The following KCNU1 variants were observed in gnomAD, a reference collection of about 807,000 sequenced individuals.
The protein encoded by KCNU1 is potassium channel subfamily U member 1.
In KCNU1, 93 loss-of-function variants were observed where a neutral mutation model predicts 126.8. That is an observed-to-expected ratio of 0.73 (90% confidence interval 0.62 to 0.87). KCNU1 has a LOEUF of 0.87. Ranked by LOEUF, KCNU1 falls within the 40% of genes least tolerant of loss-of-function variation. KCNU1 has a pLI of 0.00. For missense variants in KCNU1, 1,330 were observed against 1,367.1 expected (o/e 0.97, Z 0.43); for synonymous variants, 523 against 494.2 (o/e 1.06, Z -0.77).
At chr8:36,786,265 T>C (rs1802707807) in intron 1 of KCNU1, among the ~76,000 whole-genome samples, 1 of 152,206 alleles carries the variant, frequency 6.6e-6, no homozygotes, top group Non-Finnish European at 1.5e-5. Flanking sequence ...CAATTTGTTT[T>C]TCCACAGAAG....
intron 18 of KCNU1, among the ~76,000 whole-genome samples, chr8:36,848,239 A>G (rs969104477): frequency 6.6e-6 from 1 of 152,186 alleles, no homozygotes; most frequent in African/African-American, 2.4e-5. Context: ...CTCCCATTCT[A>G]CAGATGTCTC....
At chr8:36,803,881 T>C in intron 2 of KCNU1, 146 bp from the exon 3 acceptor site, 2 of 676,088 alleles carry the variant, frequency 3.0e-6, no homozygotes, top group Non-Finnish European at 5.3e-6. Context: ...AACAGATGAA[T>C]GAATGAATGA....
At chr8:36,913,317 A>G (rs1226979841) in intron 22 of KCNU1, among the ~76,000 whole-genome samples, 1 of 152,136 alleles carries the variant, frequency 6.6e-6, no homozygotes, top group Non-Finnish European at 1.5e-5. Context: ...AAGAAGGAAA[A>G]AAAATTGGAA....
rs139395812 is a variant in KCNU1 at position 36,891,752 on chromosome 8, C to CT, written c.2010-13948dup. Among the ~76,000 whole-genome samples, 747 of 151,726 alleles carry CT rather than the reference C, an allele frequency of 4.9e-3. 4 individuals carry two copies. Among genetic ancestry groups the CT allele is most frequent in the Non-Finnish European group, 7.9e-3 (539 of 67,850 alleles). On this transcript the variant is annotated intron_variant, in intron 19 of 26. Coordinates refer to ENST00000399881, the MANE Select transcript of KCNU1 (RefSeq NM_001031836.3). ...GATATAGAATTCTTAACTGATAAGC[C>CT]TTTTTTTTGAGAACTTTATATATGT...
chr8:36,836,540 G>A (rs1032328424), intron 13 of KCNU1, among the ~76,000 whole-genome samples, 175 bp downstream of exon 13: 3 of 152,154 alleles, frequency 2.0e-5, no homozygotes, highest in Admixed American at 6.5e-5. Context: ...AGAATTAGAA[G>A]TTTAAGTCAT....
chr8:36,894,890 C>G (rs926425738), intron 19 of KCNU1, among the ~76,000 whole-genome samples: 7 of 151,976 alleles, frequency 4.6e-5, no homozygotes, highest in African/African-American at 1.7e-4. Flanking sequence ...TTGTGTTATC[C>G]ATCAGAAAGT....
At position 36,936,111 on chromosome 8, in the gene KCNU1, G is replaced by A; in HGVS notation, c.*191G>A. 1 of 466,740 alleles carries A rather than the reference G, an allele frequency of 2.1e-6. No homozygotes were observed. The highest frequency in any genetic ancestry group is 3.7e-6 in the Non-Finnish European group (1 of 268,078). The allele number at this position is 466,740 out of a possible 1,614,324, so 28.9% of individuals were successfully genotyped here. A position where few individuals can be genotyped will look rare whatever the true frequency, so the allele number is the denominator to read the frequency against. ...CACTGGATCTTGTGTGATAAATAAA[G>A]AAATATATGATCAATGCTTCTGTAA... On this transcript the variant is annotated 3_prime_UTR_variant, in exon 27 of 27. Coordinates refer to ENST00000399881, the MANE Select transcript of KCNU1 (RefSeq NM_001031836.3).
rs564553187 is a variant in KCNU1 at position 36,786,126 on chromosome 8, A to T, written c.196-1180A>T. Among the ~76,000 whole-genome samples the T allele has an allele frequency of 2.6e-5, 4 of 152,238 alleles. 1 individual carries two copies. In the South Asian group the frequency reaches 8.3e-4, roughly 32 times the overall value. On this transcript the variant is annotated intron_variant, in intron 1 of 26. Coordinates refer to ENST00000399881, the MANE Select transcript of KCNU1 (RefSeq NM_001031836.3). ...TTGGACAAATGCAAAAAAAAAAAAA[A>T]ATCAGAAATCTAGGTGTACTGTGAA... is the stretch of plus-strand genomic sequence containing the variant.
intron 12 of KCNU1, 83 bp downstream of exon 12, chr8:36,834,951 G>T (rs1804692519): frequency 2.3e-6 from 2 of 886,144 alleles, no homozygotes; most frequent in Non-Finnish European, 3.5e-6. Flanking sequence ...AGCATAAAAA[G>T]GAGAAAATGT....
intron 18 of KCNU1, among the ~76,000 whole-genome samples, chr8:36,851,527 T>C (rs1348368256): frequency 6.6e-6 from 1 of 152,138 alleles, no homozygotes; most frequent in Non-Finnish European, 1.5e-5. Context: ...TTAAACCGTT[T>C]TTCTTCATAA....
intron 8 of KCNU1, among the ~76,000 whole-genome samples, chr8:36,814,844 T>G (rs1367933002): frequency 6.6e-6 from 1 of 152,198 alleles, no homozygotes; most frequent in Non-Finnish European, 1.5e-5. Context: ...CCTTCTTTTC[T>G]TTTAGTGACT....
chr8:36,930,107 GCA>G, intron 24 of KCNU1, among the ~76,000 whole-genome samples: 1 of 151,940 alleles, frequency 6.6e-6, no homozygotes, highest in African/African-American at 2.4e-5. Context: ...TTTTAATAAA[GCA>G]AAAGTCTAAT....
At chr8:36,820,584 A>G (rs1804085407) in intron 10 of KCNU1, among the ~76,000 whole-genome samples, 1 of 151,922 alleles carries the variant, frequency 6.6e-6, no homozygotes, top group Non-Finnish European at 1.5e-5. Context: ...TAGTTTAATC[A>G]TGCATGCTAA....
At chr8:36,915,418 A>G (rs1285158047) in intron 22 of KCNU1, among the ~76,000 whole-genome samples, 1 of 152,176 alleles carries the variant, frequency 6.6e-6, no homozygotes, top group African/African-American at 2.4e-5. Flanking sequence ...TCTCATCATC[A>G]AAGATGATCT....
At chr8:36,808,606 G>A (rs1054463452) in intron 6 of KCNU1, 112 bp from the exon 7 acceptor site, 4 of 685,248 alleles carry the variant, frequency 5.8e-6, no homozygotes, top group East Asian at 2.7e-5. Flanking sequence ...GGGTAATGCC[G>A]TTCCTTCTGG....
chr8:36,855,513 A>T (rs1166527006), intron 18 of KCNU1, among the ~76,000 whole-genome samples: 1 of 152,156 alleles, frequency 6.6e-6, no homozygotes, highest in African/African-American at 2.4e-5. Flanking sequence ...AGTGCCAAGA[A>T]TATGGAGTAT....
At chr8:36,800,113 C>T (rs2130384595) in intron 2 of KCNU1, among the ~76,000 whole-genome samples, 1 of 152,216 alleles carries the variant, frequency 6.6e-6, no homozygotes, top group South Asian at 2.1e-4. Context: ...TGAATCGTAA[C>T]AGATTCTGTG....
At chr8:36,928,873 G>C in intron 24 of KCNU1, 1 of 594,236 alleles carries the variant, frequency 1.7e-6, no homozygotes, top group South Asian at 2.0e-5. Flanking sequence ...TTTAAATTCT[G>C]ATTCCCATTC....
Position 36,820,614 on chromosome 8 carries a change from GAA to G in KCNU1, c.1106+2866_1106+2867del, listed in dbSNP as rs201090907. On this transcript the variant is annotated intron_variant, in intron 10 of 26. Transcript: ENST00000399881. The stretch of plus-strand genomic sequence containing the variant: ...TGCTAAGGTATTATAAGAAAATTCA[GAA>G]AAAAAAAAAAAGAAATTCTTTAGTT... 5.8e-3 allele frequency among the ~76,000 whole-genome samples: 670 copies of G among 116,408 alleles called. 7 individuals are homozygous for G. The highest frequency in any genetic ancestry group is 0.019 in the African/African-American group (624 of 32,658). 76.4% of individuals were successfully genotyped at this position (116,408 alleles called of 152,430 possible).
Sources: gnomAD v4.1 joint callset for allele counts (sites outside exome capture counted in the v4.1 genomes callset) on GRCh38, gnomAD v4.1.1 for gene constraint, MANE v1.5 for transcripts, NCBI Gene and HGNC (gene_info 2026-07-23, HGNC 2026-07-21) for gene names.